The following NUDT9 variants were observed in gnomAD, a reference collection of about 807,000 sequenced individuals.
NUDT9 encodes the protein ADP-ribose pyrophosphatase.
Under a neutral mutation model 41.0 loss-of-function variants are expected in NUDT9, and 31 were observed. The ratio of observed to expected loss-of-function variants is 0.76; its 90% CI spans 0.57 to 1.02. The LOEUF is 1.02. Ranked by LOEUF, NUDT9 falls within the 50% of genes least tolerant of loss-of-function variation. The probability of loss-of-function intolerance (pLI) is 0.00; values close to 1 mark genes in which losing one functional copy is unlikely to be tolerated. For synonymous variants in NUDT9, 146 were observed against 147.6 expected (o/e 0.99, Z 0.08); for missense variants, 380 against 431.4 (o/e 0.88, Z 1.06).
At chr4:87,441,603 G>T (rs1274162492) in intron 3 of NUDT9, among the ~76,000 whole-genome samples, 1 of 152,152 alleles carries the variant, frequency 6.6e-6, no homozygotes, top group Non-Finnish European at 1.5e-5. Context: ...TGGGGTATGA[G>T]AGCCTCTTTC....
At chr4:87,432,897 C>T (rs940442553) in intron 1 of NUDT9, among the ~76,000 whole-genome samples, 1 of 151,724 alleles carries the variant, frequency 6.6e-6, no homozygotes, top group African/African-American at 2.4e-5. Flanking sequence ...CTGTTGAATT[C>T]TGTTTGTTAT....
intron 4 of NUDT9, among the ~76,000 whole-genome samples, chr4:87,442,227 G>T (rs984082584): frequency 2.0e-5 from 3 of 152,192 alleles, no homozygotes; most frequent in Non-Finnish European, 4.4e-5. Flanking sequence ...TAGGCTACAA[G>T]CCTGTACAGC....
chr4:87,426,394 G>A (rs895652676), intron 1 of NUDT9, among the ~76,000 whole-genome samples: 3 of 151,688 alleles, frequency 2.0e-5, no homozygotes, highest in African/African-American at 7.3e-5. Context: ...TTACCTCTCT[G>A]GGTCTTAATG....
At chr4:87,454,686 G>A (rs1252717863) in intron 7 of NUDT9, among the ~76,000 whole-genome samples, 1 of 152,142 alleles carries the variant, frequency 6.6e-6, no homozygotes, top group African/African-American at 2.4e-5. Flanking sequence ...GGTAACATTT[G>A]AAATTAAGGA....
intron 4 of NUDT9, among the ~76,000 whole-genome samples, chr4:87,448,744 A>C (rs1046810114): frequency 1.4e-4 from 21 of 152,258 alleles, no homozygotes; most frequent in African/African-American, 4.1e-4. Flanking sequence ...TGGGATTACA[A>C]GTGCGAGACA....
chr4:87,432,711 C>T (rs188724674), intron 1 of NUDT9, among the ~76,000 whole-genome samples: 126 of 151,078 alleles, frequency 8.3e-4, no homozygotes, highest in Non-Finnish European at 1.5e-3. Flanking sequence ...ATTCTTAAAT[C>T]GTGAAAGGGT....
Position 87,451,697 on chromosome 4 carries a change from GA to G in NUDT9, c.755del (p.Lys252SerfsTer11). ...KTSAEKREIEEKLHKLFSQDH... is the reference protein window; with the variant it reads ...KTSAEKREIEXKLHKLFSQDH... ...CAGTGCTGAGAAGAGAGAAATAGAGGAAAAGTTGCACAAACTCTTCAGCCAA... is the reference window on the plus strand; with the variant it reads ...CAGTGCTGAGAAGAGAGAAATAGAGGAAAGTTGCACAAACTCTTCAGCCAA... On this transcript the variant is annotated frameshift_variant, in exon 6 of 8. Transcript: ENST00000302174. LOFTEE classifies it high-confidence loss of function. 1 of 1,613,842 alleles carries G rather than the reference GA, an allele frequency of 6.2e-7. No individual in the cohort carries two copies.
chr4:87,431,252 A>G (rs1721674456), intron 1 of NUDT9, among the ~76,000 whole-genome samples: 1 of 152,020 alleles, frequency 6.6e-6, no homozygotes, highest in Admixed American at 6.6e-5. Flanking sequence ...TATTGTGAGG[A>G]TTTATTTCTG....
rs965841932 is a variant in NUDT9, at chr4:87,458,851, G to A, written c.*830G>A. Reference sequence around the variant, plus strand: ...AAAGGAATGCTTATACGCTGTTAGTGGGAGTGTAAATTGGTCCAACCATTG... The same window carrying A: ...AAAGGAATGCTTATACGCTGTTAGTAGGAGTGTAAATTGGTCCAACCATTG... On this transcript the variant is annotated 3_prime_UTR_variant, in exon 8 of 8. Coordinates refer to ENST00000302174, the MANE Select transcript of NUDT9 (RefSeq NM_024047.5). The A allele has an allele frequency of 3.9e-5, 6 of 152,188 alleles. No individual in the cohort carries two copies. The highest frequency in any genetic ancestry group is 3.3e-4 in the Admixed American group (5 of 15,268). The allele number at this position is 152,188 out of a possible 1,614,324, so 9.4% of individuals were successfully genotyped here. A position where few individuals can be genotyped will look rare whatever the true frequency, so the allele number is the denominator to read the frequency against.
chr4:87,446,845 T>C (rs1160883877), intron 4 of NUDT9, among the ~76,000 whole-genome samples: 1 of 152,104 alleles, frequency 6.6e-6, no homozygotes, highest in Non-Finnish European at 1.5e-5. Flanking sequence ...TTTTAGAAAA[T>C]AAAAATAAAA....
At chr4:87,442,608 C>T (rs1429550261) in intron 4 of NUDT9, among the ~76,000 whole-genome samples, 1 of 152,144 alleles carries the variant, frequency 6.6e-6, no homozygotes, top group Admixed American at 6.5e-5. Flanking sequence ...ATAGTAACAG[C>T]TTAAAACACA....
rs1560797880 is a variant in NUDT9 at position 87,449,197 on chromosome 4, A to G, written c.586A>G (p.Ile196Val). 2 of 1,612,132 alleles carry G rather than the reference A, an allele frequency of 1.2e-6. No homozygotes were observed. The highest frequency in any genetic ancestry group is 1.7e-6 in the Non-Finnish European group (2 of 1,178,280). ...KIMHPVSGKHILQFVAIKRKD... is the reference protein window; with the variant it reads ...KIMHPVSGKHVLQFVAIKRKD... The stretch of plus-strand genomic sequence containing the variant: ...CATGCATCCTGTTTCTGGGAAGCAT[A>G]TCTTACAATTTGTTGCAATAAAAAG... The change falls in exon 5 of 8, where the codon ATC (isoleucine) becomes GTC (valine). Residue 196 changes from isoleucine to valine, a missense_variant. By Grantham distance (29) the Ile-to-Val change is conservative. Transcript: ENST00000302174.
At chr4:87,427,339 A>G (rs1019526120) in intron 1 of NUDT9, among the ~76,000 whole-genome samples, 6 of 152,198 alleles carry the variant, frequency 3.9e-5, no homozygotes, top group Non-Finnish European at 8.8e-5. Context: ...GGTTTTTGCC[A>G]TGTAAATGGA....
At chr4:87,440,150 A>G (rs1461392547) in intron 3 of NUDT9, among the ~76,000 whole-genome samples, 1 of 152,236 alleles carries the variant, frequency 6.6e-6, no homozygotes, top group African/African-American at 2.4e-5. Flanking sequence ...TAGGTAAGAT[A>G]TATAGATGGA....
intron 1 of NUDT9, among the ~76,000 whole-genome samples, chr4:87,425,457 T>C (rs1721371298): frequency 6.9e-6 from 1 of 145,204 alleles, no homozygotes; most frequent in African/African-American, 2.6e-5. Flanking sequence ...TGCGGTGGCG[T>C]GATCTTGGCT....
intron 3 of NUDT9, among the ~76,000 whole-genome samples, chr4:87,441,008 A>G (rs537570290): frequency 3.7e-4 from 56 of 152,330 alleles, no homozygotes; most frequent in Middle Eastern, 6.8e-3. Context: ...CAAAAACAAT[A>G]TAAAAATTCA....
chr4:87,441,529 G>A (rs757974072), intron 3 of NUDT9, among the ~76,000 whole-genome samples: 3 of 152,144 alleles, frequency 2.0e-5, no homozygotes, highest in South Asian at 2.1e-4. Context: ...AACCAGGAAC[G>A]TTCCAGTTTG....
At chr4:87,456,862 C>A (rs529649666) in intron 7 of NUDT9, among the ~76,000 whole-genome samples, 12 of 152,092 alleles carry the variant, frequency 7.9e-5, no homozygotes, top group African/African-American at 2.9e-4. Flanking sequence ...ACTCAGGACG[C>A]GGAGGTTGCA....
chr4:87,442,251 G>A (rs752719025), intron 4 of NUDT9, among the ~76,000 whole-genome samples: 2 of 152,172 alleles, frequency 1.3e-5, no homozygotes, highest in Non-Finnish European at 2.9e-5. Flanking sequence ...TTACTGTACT[G>A]AATACTATAG....
Sources: allele counts gnomAD v4.1 joint callset (sites outside exome capture counted in the v4.1 genomes callset), GRCh38; gene constraint gnomAD v4.1.1; transcripts MANE v1.5; gene names NCBI Gene and HGNC (gene_info 2026-07-23, HGNC 2026-07-21).